The following HS3ST5 variants were observed in gnomAD, a reference collection of about 807,000 sequenced individuals.
The protein encoded by HS3ST5 is heparan sulfate-glucosamine 3-sulfotransferase 5.
In HS3ST5, 10 loss-of-function variants were observed where a neutral mutation model predicts 25.4. The observed-to-expected ratio is 0.39, with a 90% CI of 0.24 to 0.67. HS3ST5 has a LOEUF of 0.67. Ranked by LOEUF, HS3ST5 falls within the 30% of genes least tolerant of loss-of-function variation. The pLI is 0.44. For missense variants in HS3ST5, 324 were observed against 420.7 expected, an observed-to-expected ratio of 0.77 and a Z score of 2.01; for synonymous variants, 170 against 162.4, an observed-to-expected ratio of 1.05 and a Z score of -0.36.
chr6:114,129,874 T>C (rs1240399800), intron 3 of HS3ST5, among the ~76,000 whole-genome samples: 2 of 152,234 alleles, frequency 1.3e-5, no homozygotes, highest in Non-Finnish European at 2.9e-5. Flanking sequence ...TTCATATTAT[T>C]AGATTTGATG....
chr6:114,191,141 A>G (rs1244257730), intron 2 of HS3ST5, among the ~76,000 whole-genome samples: 5 of 152,196 alleles, frequency 3.3e-5, no homozygotes, highest in Non-Finnish European at 7.4e-5. Context: ...ATAGACTCAC[A>G]AAAGGATCCC....
chr6:114,183,645 A>G (rs1780069191), intron 2 of HS3ST5, among the ~76,000 whole-genome samples: 1 of 152,200 alleles, frequency 6.6e-6, no homozygotes, highest in Non-Finnish European at 1.5e-5. Context: ...GTGGAAGTGA[A>G]GTGGGCATTG....
intron 2 of HS3ST5, among the ~76,000 whole-genome samples, chr6:114,169,487 G>A (rs901692999): frequency 7.2e-5 from 11 of 151,890 alleles, no homozygotes; most frequent in African/African-American, 2.2e-4. Context: ...TGCCCACATC[G>A]TTCTAGAGAA....
intron 1 of HS3ST5, among the ~76,000 whole-genome samples, chr6:114,267,426 T>C (rs1046402946): frequency 1.3e-5 from 2 of 152,170 alleles, no homozygotes; most frequent in African/African-American, 4.8e-5. Context: ...CCCACCATTA[T>C]GCAGGATGTT....
intron 1 of HS3ST5, among the ~76,000 whole-genome samples, chr6:114,299,750 ATTC>A (rs1409913152): frequency 6.6e-6 from 1 of 152,184 alleles, no homozygotes; most frequent in Admixed American, 6.5e-5. Context: ...TAGTGATGAT[ATTC>A]TTTGTGAGCA....
intron 3 of HS3ST5, among the ~76,000 whole-genome samples, chr6:114,064,872 A>G (rs1202164520): frequency 1.3e-5 from 2 of 152,208 alleles, no homozygotes; most frequent in African/African-American, 4.8e-5. Flanking sequence ...GCAAGGAGGC[A>G]TGAGCGAGCA....
intron 1 of HS3ST5, among the ~76,000 whole-genome samples, chr6:114,237,569 T>C (rs1284274797): frequency 1.3e-5 from 2 of 152,216 alleles, no homozygotes; most frequent in Admixed American, 6.5e-5. Flanking sequence ...CTGGTTCCAC[T>C]GGTCTGGGGT....
Position 114,193,247 on chromosome 6 carries a change from C to G in HS3ST5, c.-144-24785G>C, listed in dbSNP as rs80280653. Among the ~76,000 whole-genome samples the G allele has an allele frequency of 5.7e-3, 871 of 152,280 alleles. 7 individuals carry two copies. Among genetic ancestry groups the G allele is most frequent in the African/African-American group, 0.02 (837 of 41,564 alleles). On this transcript the variant is annotated intron_variant, in intron 2 of 4. Coordinates refer to ENST00000312719, the MANE Select transcript of HS3ST5 (RefSeq NM_153612.4). ...ACATATGAACAAACACACAGACAGA[C>G]AGACACACACACAGTGTTATGGGAG...
intron 3 of HS3ST5, among the ~76,000 whole-genome samples, chr6:114,069,516 ATT>A (rs373504728): frequency 2.5e-4 from 33 of 130,640 alleles, no homozygotes; most frequent in Admixed American, 4.8e-4. Context: ...ACATGGGAGA[ATT>A]TTTTTTTTTT....
At chr6:114,127,156 G>A (rs1777081637) in intron 3 of HS3ST5, among the ~76,000 whole-genome samples, 1 of 152,156 alleles carries the variant, frequency 6.6e-6, no homozygotes. Context: ...GGAAGCCGAG[G>A]TGGGCTGATC....
chr6:114,075,547 C>T (rs1000577472), intron 3 of HS3ST5, among the ~76,000 whole-genome samples: 4 of 152,188 alleles, frequency 2.6e-5, no homozygotes, highest in African/African-American at 9.6e-5. Flanking sequence ...GGGCTGTGTG[C>T]TCAGAAAGGC....
chr6:114,295,570 G>A (rs1228143793), intron 1 of HS3ST5, among the ~76,000 whole-genome samples: 6 of 152,080 alleles, frequency 3.9e-5, no homozygotes, highest in East Asian at 3.9e-4. Flanking sequence ...TGCTTCAAAC[G>A]TCAGATTGTT....
chr6:114,251,178 G>A (rs1772642565), intron 1 of HS3ST5, among the ~76,000 whole-genome samples: 2 of 152,120 alleles, frequency 1.3e-5, no homozygotes, highest in African/African-American at 4.8e-5. Context: ...GGTGACTTTG[G>A]TGTTGCAACA....
intron 3 of HS3ST5, among the ~76,000 whole-genome samples, chr6:114,162,540 A>G (rs1238289553): frequency 1.3e-5 from 2 of 152,178 alleles, no homozygotes; most frequent in African/African-American, 4.8e-5. Context: ...TTAAAGGACT[A>G]CTTTAATGAT....
intron 2 of HS3ST5, among the ~76,000 whole-genome samples, chr6:114,180,135 C>T (rs1297534454): frequency 6.6e-6 from 1 of 152,124 alleles, no homozygotes; most frequent in Non-Finnish European, 1.5e-5. Context: ...TCTCCTCTGG[C>T]AACACCCAGA....
At chr6:114,211,670 A>T (rs1781515168) in intron 2 of HS3ST5, among the ~76,000 whole-genome samples, 1 of 152,234 alleles carries the variant, frequency 6.6e-6, no homozygotes, top group African/African-American at 2.4e-5. Flanking sequence ...AAAATGTATT[A>T]AAACCAGCTT....
chr6:114,112,550 A>G (rs1270156528), intron 3 of HS3ST5: 5 of 152,152 alleles, frequency 3.3e-5, no homozygotes, highest in Non-Finnish European at 5.9e-5. Context: ...GCAATAGAAA[A>G]CTAATGCCCA....
rs1772821248 is a variant in HS3ST5, at chr6:114,057,260, G to C, written c.1038C>G (p.Pro346=). The C allele has an allele frequency of 6.2e-7, 1 of 1,604,090 alleles. No individual in the cohort carries two copies. Among genetic ancestry groups the C allele is most frequent in the Non-Finnish European group, 8.5e-7 (1 of 1,172,326 alleles). Residue 346 remains proline (P), a synonymous_variant, in exon 5 of 5, where the codon CCC becomes CCG. Coordinates refer to ENST00000312719, the MANE Select transcript of HS3ST5 (RefSeq NM_153612.4). ...YQITGRTLNW[P] ...TAGTGTTGTATGACATATTATTTTA[G>C]GGCCAGTTCAATGTCCTCCCAGTGA...
At chr6:114,119,030 G>T (rs926741218) in intron 3 of HS3ST5, among the ~76,000 whole-genome samples, 6 of 152,184 alleles carry the variant, frequency 3.9e-5, no homozygotes, top group Admixed American at 6.5e-5. Flanking sequence ...AGATTGCAGG[G>T]TTGTTTGTAA....
Sources: allele counts gnomAD v4.1 joint callset (sites outside exome capture counted in the v4.1 genomes callset), GRCh38; gene constraint gnomAD v4.1.1; transcripts MANE v1.5; gene names NCBI Gene and HGNC (gene_info 2026-07-23, HGNC 2026-07-21).